The following FRS2 variants were observed in gnomAD, a reference collection of about 807,000 sequenced individuals.
FRS2 encodes the protein FGFR signalling adaptor.
A neutral mutation model predicts 43.9 loss-of-function variants in FRS2; 8 were observed. The observed-to-expected ratio is 0.18, with a 90% CI of 0.11 to 0.33. The LOEUF (loss-of-function observed/expected upper bound fraction) is 0.33, where lower values mean the gene tolerates loss of function less well. FRS2 is among the 10% of genes least tolerant of loss of function. FRS2 has a pLI of 1.00. For synonymous variants in FRS2, 219 were observed against 220.3 expected, an observed-to-expected ratio of 0.99 and a Z score of 0.05; for missense variants, 534 against 627.6, an observed-to-expected ratio of 0.85 and a Z score of 1.59.
At chr12:69,518,982 A>C (rs489582) in intron 1 of FRS2, among the ~76,000 whole-genome samples, 1 of 148,846 alleles carries the variant, frequency 6.7e-6, no homozygotes, top group Admixed American at 6.8e-5. Flanking sequence ...GGCAACAAGA[A>C]CAAAACTCCG....
intron 1 of FRS2, among the ~76,000 whole-genome samples, chr12:69,486,948 C>T (rs963933831): frequency 2.0e-5 from 3 of 152,208 alleles, no homozygotes; most frequent in Admixed American, 2.0e-4. Flanking sequence ...AAGAGGCCAT[C>T]TATGTAACAT....
intron 3 of FRS2, among the ~76,000 whole-genome samples, chr12:69,547,989 G>C (rs1878564368): frequency 6.6e-6 from 1 of 151,838 alleles, no homozygotes; most frequent in Non-Finnish European, 1.5e-5. Context: ...TAGGACTACA[G>C]GTGCATACCA....
At chr12:69,511,283 C>G (rs1309170126) in intron 1 of FRS2, among the ~76,000 whole-genome samples, 1 of 152,136 alleles carries the variant, frequency 6.6e-6, no homozygotes, top group Admixed American at 6.6e-5. Context: ...TGCTTATGTA[C>G]TAGATGTTTT....
chr12:69,546,067 A>G (rs1329755463), intron 3 of FRS2, among the ~76,000 whole-genome samples: 3 of 152,244 alleles, frequency 2.0e-5, no homozygotes, highest in African/African-American at 4.8e-5. Context: ...AGGCACAGAC[A>G]ATACAAGAAA....
At chr12:69,571,607 A>G (rs896867720) in intron 7 of FRS2, among the ~76,000 whole-genome samples, 173 bp downstream of exon 7, 3 of 152,232 alleles carry the variant, frequency 2.0e-5, no homozygotes, top group Non-Finnish European at 4.4e-5. Flanking sequence ...CACGCCTGTA[A>G]TCCCAGCACT....
chr12:69,564,503 G>T (rs515533), intron 4 of FRS2, among the ~76,000 whole-genome samples: 75,066 of 151,788 alleles, frequency 0.49, 18,927 homozygotes, highest in South Asian at 0.57. Flanking sequence ...TCCTCTTGAA[G>T]ACTACAGTTT....
At chr12:69,504,446 A>G (rs1210700461) in intron 1 of FRS2, among the ~76,000 whole-genome samples, 1 of 152,200 alleles carries the variant, frequency 6.6e-6, no homozygotes, top group Non-Finnish European at 1.5e-5. Flanking sequence ...AGAACACCAA[A>G]TAAAACAAAG....
In FRS2 at chr12:69,470,413, T is replaced by A. The variant is rs913700275; in HGVS notation, c.-378T>A. On this transcript the variant is annotated 5_prime_UTR_variant, in exon 1 of 9. Transcript: ENST00000549921. ...CAAGATTCGGGCCGGAGAGAGGCCT[T>A]GTAGGCACAGCGGCTGAGACTCGAT... 2.5e-6 allele frequency: 1 copy of A among 398,480 alleles called. No homozygotes were observed. Among genetic ancestry groups the A allele is most frequent in the African/African-American group, 2.1e-5 (1 of 48,586 alleles). 24.7% of individuals were successfully genotyped at this position (398,480 alleles called of 1,614,324 possible).
At chr12:69,525,321 G>A (rs1876107210) in intron 1 of FRS2, among the ~76,000 whole-genome samples, 1 of 152,066 alleles carries the variant, frequency 6.6e-6, no homozygotes, top group Non-Finnish European at 1.5e-5. Context: ...CAAGAGGAAG[G>A]AAGGAAAGGA....
chr12:69,493,554 C>G (rs1024540650), intron 1 of FRS2, among the ~76,000 whole-genome samples: 7 of 152,172 alleles, frequency 4.6e-5, no homozygotes, highest in African/African-American at 1.7e-4. Context: ...AACCACGTCT[C>G]TACTAAAAAT....
chr12:69,482,543 T>C (rs1290614872), intron 1 of FRS2, among the ~76,000 whole-genome samples: 1 of 152,224 alleles, frequency 6.6e-6, no homozygotes, highest in Non-Finnish European at 1.5e-5. Context: ...ATTGGGAGCC[T>C]ACTATATTAG....
chr12:69,491,833 A>G (rs1872524475), intron 1 of FRS2, among the ~76,000 whole-genome samples: 1 of 152,194 alleles, frequency 6.6e-6, no homozygotes, highest in Non-Finnish European at 1.5e-5. Flanking sequence ...TGATTTAATG[A>G]ATATTGTATA....
intron 1 of FRS2, among the ~76,000 whole-genome samples, chr12:69,513,707 T>G (rs995994216): frequency 6.6e-6 from 1 of 152,104 alleles, no homozygotes; most frequent in Non-Finnish European, 1.5e-5. Flanking sequence ...AATTAAAAAT[T>G]TTTTGACCTA....
At chr12:69,479,390 CTTTTTTT>C (rs57688271) in intron 1 of FRS2, among the ~76,000 whole-genome samples, 6 of 119,698 alleles carry the variant, frequency 5.0e-5, no homozygotes, top group Non-Finnish European at 1.0e-4. Context: ...TCTGTTGTTT[CTTTTTTT>C]TTTTTTTTTT....
chr12:69,569,605 G>A (rs531648090), intron 5 of FRS2, among the ~76,000 whole-genome samples: 2 of 152,320 alleles, frequency 1.3e-5, no homozygotes, highest in South Asian at 4.1e-4. Context: ...ACAAAGAATA[G>A]CCTTGATCAC....
intron 3 of FRS2, among the ~76,000 whole-genome samples, chr12:69,538,362 G>A (rs945080635): frequency 1.9e-4 from 29 of 151,008 alleles, no homozygotes; most frequent in Admixed American, 9.2e-4. Context: ...TACAACTTAC[G>A]TAAGGTTTGT....
At chr12:69,475,191 T>C (rs1367330226) in intron 1 of FRS2, among the ~76,000 whole-genome samples, 1 of 152,194 alleles carries the variant, frequency 6.6e-6, no homozygotes, top group Non-Finnish European at 1.5e-5. Context: ...AGGCTTAGAG[T>C]TGTAACTTTT....
intron 3 of FRS2, among the ~76,000 whole-genome samples, chr12:69,533,113 A>G (rs1876963363): frequency 6.6e-6 from 1 of 152,226 alleles, no homozygotes; most frequent in Admixed American, 6.5e-5. Flanking sequence ...TTTCCTGTAT[A>G]TAAAAGGTAT....
At chr12:69,491,856 G>A (rs556078952) in intron 1 of FRS2, among the ~76,000 whole-genome samples, 6 of 152,076 alleles carry the variant, frequency 3.9e-5, no homozygotes, top group African/African-American at 2.4e-5. Context: ...TATTTTGCCC[G>A]TGCAAGTACT....
Sources: allele counts gnomAD v4.1 joint callset (sites outside exome capture counted in the v4.1 genomes callset), GRCh38; gene constraint gnomAD v4.1.1; transcripts MANE v1.5; gene names NCBI Gene and HGNC (gene_info 2026-07-23, HGNC 2026-07-21).